Variants in TMEM163 observed in about 807,000 individuals in gnomAD.
TMEM163 encodes transmembrane protein 163.
Under a neutral mutation model 29.3 loss-of-function variants are expected in TMEM163, and 17 were observed. The observed-to-expected ratio is 0.58, with a 90% CI of 0.40 to 0.87. The LOEUF is 0.87. Among genes scored for constraint, TMEM163 ranks in the 40% least tolerant of loss-of-function variants. The pLI is 0.00. For missense variants in TMEM163, 303 were observed against 381.5 expected (o/e 0.79, Z 1.71); for synonymous variants, 157 against 160.6 (o/e 0.98, Z 0.17).
chr2:134,560,809 GA>G (rs1681152651), intron 2 of TMEM163, among the ~76,000 whole-genome samples: 1 of 152,210 alleles, frequency 6.6e-6, no homozygotes, highest in South Asian at 2.1e-4. Context: ...TGCGTAACAT[GA>G]AATGCACATG....
intron 4 of TMEM163, among the ~76,000 whole-genome samples, chr2:134,546,513 G>A (rs568379066): frequency 6.6e-5 from 10 of 152,228 alleles, no homozygotes; most frequent in Admixed American, 2.6e-4. Flanking sequence ...GCCCCATGGC[G>A]GACGCCTGTA....
chr2:134,499,706 G>A (rs1679658829), intron 5 of TMEM163, among the ~76,000 whole-genome samples: 1 of 152,226 alleles, frequency 6.6e-6, no homozygotes, highest in South Asian at 2.1e-4. Context: ...GACAGGGCTG[G>A]GGAAGGGAAG....
intron 5 of TMEM163, among the ~76,000 whole-genome samples, chr2:134,489,586 A>AT (rs1236663245): frequency 6.6e-6 from 1 of 152,174 alleles, no homozygotes; most frequent in Non-Finnish European, 1.5e-5. Flanking sequence ...AAAAAAAAAA[A>AT]AAAAGTTGCA....
At chr2:134,708,138 C>T (rs535649193) in intron 2 of TMEM163, among the ~76,000 whole-genome samples, 2 of 152,270 alleles carry the variant, frequency 1.3e-5, no homozygotes, top group African/African-American at 2.4e-5. Context: ...CCACCTGCCT[C>T]GGCCTCCCAG....
intron 2 of TMEM163, among the ~76,000 whole-genome samples, chr2:134,581,454 G>C (rs1418202647): frequency 1.3e-5 from 2 of 152,176 alleles, no homozygotes; most frequent in Non-Finnish European, 2.9e-5. Flanking sequence ...ACTTTGGTGA[G>C]AGAAATTGAA....
At chr2:134,576,822 C>G (rs1403988865) in intron 2 of TMEM163, among the ~76,000 whole-genome samples, 2 of 152,228 alleles carry the variant, frequency 1.3e-5, no homozygotes, top group Non-Finnish European at 2.9e-5. Context: ...AAGGAAAACA[C>G]TATCTCAGGA....
chr2:134,520,014 G>A (rs1314493772), intron 4 of TMEM163, among the ~76,000 whole-genome samples: 4 of 152,012 alleles, frequency 2.6e-5, no homozygotes, highest in African/African-American at 7.3e-5. Context: ...AAGACAGTTC[G>A]CATCACCTGA....
intron 2 of TMEM163, among the ~76,000 whole-genome samples, chr2:134,626,655 G>A (rs1682858932): frequency 2.6e-5 from 4 of 152,212 alleles, no homozygotes; most frequent in Admixed American, 2.6e-4. Flanking sequence ...TTCTGTGGAT[G>A]AAGACATGGA....
At chr2:134,575,325 C>T (rs1369533531) in intron 2 of TMEM163, among the ~76,000 whole-genome samples, 1 of 152,236 alleles carries the variant, frequency 6.6e-6, no homozygotes. Flanking sequence ...CATGGTCAGG[C>T]CCCTACCCCA....
chr2:134,613,817 G>C (rs1682553785), intron 2 of TMEM163, among the ~76,000 whole-genome samples: 1 of 152,108 alleles, frequency 6.6e-6, no homozygotes, highest in African/African-American at 2.4e-5. Context: ...AAAATTATAA[G>C]AGTCTGATAA....
chr2:134,656,088 T>C (rs1160199247), intron 2 of TMEM163, among the ~76,000 whole-genome samples: 1 of 143,846 alleles, frequency 7.0e-6, no homozygotes, highest in African/African-American at 2.8e-5. Context: ...AGTTCGAGCT[T>C]CCTGGCTGCT....
intron 2 of TMEM163, among the ~76,000 whole-genome samples, chr2:134,666,910 C>T (rs1352789076): frequency 2.0e-5 from 3 of 152,184 alleles, no homozygotes; most frequent in Non-Finnish European, 2.9e-5. Flanking sequence ...CCTTCAGAGA[C>T]ATCGTCCTGG....
At chr2:134,516,712 C>A (rs200427265) in intron 4 of TMEM163, among the ~76,000 whole-genome samples, 10 of 72,866 alleles carry the variant, frequency 1.4e-4, no homozygotes, top group Admixed American at 7.2e-4. Flanking sequence ...TTCATATATA[C>A]ATATATATTC....
intron 1 of TMEM163, among the ~76,000 whole-genome samples, chr2:134,713,806 A>G (rs947462225): frequency 1.3e-5 from 2 of 152,200 alleles, no homozygotes; most frequent in African/African-American, 4.8e-5. Flanking sequence ...GCAAGGAGTC[A>G]GTCTACAAAT....
At chr2:134,697,185 T>A (rs1346944953) in intron 2 of TMEM163, among the ~76,000 whole-genome samples, 1 of 152,110 alleles carries the variant, frequency 6.6e-6, no homozygotes, top group East Asian at 1.9e-4. Flanking sequence ...ACTTTTTTCC[T>A]CCCCAATCCA....
chr2:134,659,818 C>G (rs1283052757), intron 2 of TMEM163, among the ~76,000 whole-genome samples: 1 of 151,920 alleles, frequency 6.6e-6, no homozygotes, highest in Non-Finnish European at 1.5e-5. Flanking sequence ...GTGGTGTGAG[C>G]CTGTAGTCCC....
intron 4 of TMEM163, among the ~76,000 whole-genome samples, chr2:134,518,933 G>A (rs1051579964): frequency 6.6e-6 from 1 of 152,180 alleles, no homozygotes; most frequent in Non-Finnish European, 1.5e-5. Context: ...AGGAAAGCAA[G>A]ACAATTGGGA....
chr2:134,572,885 A>G (rs1361570647), intron 2 of TMEM163, among the ~76,000 whole-genome samples: 2 of 152,246 alleles, frequency 1.3e-5, no homozygotes, highest in Admixed American at 1.3e-4. Flanking sequence ...AACGATCTCA[A>G]ATGACATTTA....
chr2:134,516,671 AG>A (rs1240710215), intron 4 of TMEM163, among the ~76,000 whole-genome samples: 2 of 147,510 alleles, frequency 1.4e-5, no homozygotes, highest in African/African-American at 5.0e-5. Flanking sequence ...TCATACATAT[AG>A]TCATACATAT....
Sources: gnomAD v4.1 joint callset for allele counts (sites outside exome capture counted in the v4.1 genomes callset) on GRCh38, gnomAD v4.1.1 for gene constraint, MANE v1.5 for transcripts, NCBI Gene and HGNC (gene_info 2026-07-23, HGNC 2026-07-21) for gene names.